The following FGF10 variants were observed in gnomAD, a reference collection of about 807,000 sequenced individuals.
FGF10 encodes the protein FGF-10.
Under a neutral mutation model 19.8 loss-of-function variants are expected in FGF10, and 2 were observed. That is an observed-to-expected ratio of 0.10 (90% confidence interval 0.04 to 0.32). The LOEUF (loss-of-function observed/expected upper bound fraction) is 0.32, where lower values mean the gene tolerates loss of function less well. Ranked by LOEUF, FGF10 falls within the 10% of genes least tolerant of loss-of-function variation. The pLI, the probability that FGF10 is intolerant of heterozygous loss-of-function variation, is 1.00. For synonymous variants in FGF10, 112 were observed against 94.0 expected (o/e 1.19, Z -1.10); for missense variants, 191 against 246.3 (o/e 0.78, Z 1.50).
intron 2 of FGF10, among the ~76,000 whole-genome samples, chr5:44,309,018 G>T (rs1740148705): frequency 1.3e-5 from 2 of 152,046 alleles, no homozygotes; most frequent in Admixed American, 6.6e-5. Flanking sequence ...GGTTCTAAAT[G>T]GTTCTCTCAG....
At chr5:44,380,025 C>T (rs1311775951) in intron 1 of FGF10, among the ~76,000 whole-genome samples, 1 of 152,152 alleles carries the variant, frequency 6.6e-6, no homozygotes, top group African/African-American at 2.4e-5. Context: ...ATCACTAGCA[C>T]TTTTCTTTAA....
intron 1 of FGF10, among the ~76,000 whole-genome samples, chr5:44,345,066 C>A (rs1048134591): frequency 6.6e-6 from 1 of 151,752 alleles, no homozygotes; most frequent in Non-Finnish European, 1.5e-5. Context: ...ACACTATTTT[C>A]AAATATATTT....
At chr5:44,319,228 T>A (rs72763176) in intron 1 of FGF10, among the ~76,000 whole-genome samples, 11,441 of 152,140 alleles carry the variant, frequency 0.075, 551 homozygotes, top group Middle Eastern at 0.11. Flanking sequence ...AGAAAAAAAA[T>A]TAAGCCACAT....
chr5:44,373,756 C>T (rs1404081904), intron 1 of FGF10, among the ~76,000 whole-genome samples: 6 of 152,090 alleles, frequency 3.9e-5, no homozygotes, highest in Admixed American at 3.9e-4. Context: ...TGCCTCACAC[C>T]TCCTCCTAAA....
intron 1 of FGF10, among the ~76,000 whole-genome samples, chr5:44,330,488 A>C (rs1186435000): frequency 6.6e-6 from 1 of 152,210 alleles, no homozygotes; most frequent in Non-Finnish European, 1.5e-5. Context: ...TATCACCAGC[A>C]ATTTGCCTCT....
rs541467772 is a variant in FGF10, at chr5:44,334,553, A to T, written c.326-24023T>A. Among the ~76,000 whole-genome samples, 56 of 152,224 alleles carry T rather than the reference A, an allele frequency of 3.7e-4. 1 individual carries two copies. The South Asian group carries it at 0.012, about 32-fold the overall frequency. ...TGTGCACAACGTTAGAAGCTTACCAATGGAAATGTCTTTAGAGGTCATATT... is the reference window on the plus strand; with the variant it reads ...TGTGCACAACGTTAGAAGCTTACCATTGGAAATGTCTTTAGAGGTCATATT... On this transcript the variant is annotated intron_variant, in intron 1 of 2. Coordinates refer to ENST00000264664, the MANE Select transcript of FGF10 (RefSeq NM_004465.2).
intron 1 of FGF10, among the ~76,000 whole-genome samples, chr5:44,358,554 T>C (rs543941811): frequency 6.6e-6 from 1 of 151,566 alleles, no homozygotes; most frequent in Admixed American, 6.6e-5. Flanking sequence ...CTAATAAAGG[T>C]CTCCCTCCAG....
At chr5:44,353,830 A>G (rs1047854904) in intron 1 of FGF10, among the ~76,000 whole-genome samples, 1 of 151,488 alleles carries the variant, frequency 6.6e-6, no homozygotes, top group African/African-American at 2.4e-5. Context: ...TTTCTCTGCT[A>G]GAATACAGCC....
intron 1 of FGF10, among the ~76,000 whole-genome samples, chr5:44,335,021 T>A (rs1233173436): frequency 6.6e-6 from 1 of 152,166 alleles, no homozygotes; most frequent in Non-Finnish European, 1.5e-5. Flanking sequence ...GTATTTGATT[T>A]AATTTAATCT....
chr5:44,309,555 A>C (rs1210243085), intron 2 of FGF10, among the ~76,000 whole-genome samples: 3 of 152,168 alleles, frequency 2.0e-5, no homozygotes, highest in Admixed American at 6.6e-5. Flanking sequence ...TTTCTTATGC[A>C]TCTTTGATAT....
rs1739973521 is a variant in FGF10 at position 44,301,951 on chromosome 5, T to C, written c.*3044A>G. On this transcript the variant is annotated 3_prime_UTR_variant, in exon 3 of 3. Transcript: ENST00000264664. Reference sequence around the variant, plus strand: ...GCGAGTTAGGAGGAGGGAGTGATTCTATATCTTTATGAGGAGTATTCTCAG... The same window carrying C: ...GCGAGTTAGGAGGAGGGAGTGATTCCATATCTTTATGAGGAGTATTCTCAG... Among the ~76,000 whole-genome samples, 1 of 152,188 alleles carries C rather than the reference T, an allele frequency of 6.6e-6. No homozygotes were observed. Among genetic ancestry groups the C allele is most frequent in the South Asian group, 2.1e-4 (1 of 4,834 alleles).
At chr5:44,352,866 T>A (rs991732670) in intron 1 of FGF10, among the ~76,000 whole-genome samples, 3 of 151,614 alleles carry the variant, frequency 2.0e-5, no homozygotes, top group Non-Finnish European at 3.0e-5. Flanking sequence ...ATGTCCTCAA[T>A]AAATGCTAAC....
intron 2 of FGF10, among the ~76,000 whole-genome samples, chr5:44,309,333 T>A (rs1740156998): frequency 6.6e-6 from 1 of 152,128 alleles, no homozygotes; most frequent in African/African-American, 2.4e-5. Flanking sequence ...ATAAGATGGA[T>A]CCACATGCAC....
At chr5:44,307,213 G>T (rs1289046784) in intron 2 of FGF10, among the ~76,000 whole-genome samples, 2 of 152,090 alleles carry the variant, frequency 1.3e-5, no homozygotes, top group African/African-American at 4.8e-5. Context: ...AAATATTTGG[G>T]CCAAAGGTAC....
At chr5:44,307,597 G>T (rs1740113683) in intron 2 of FGF10, among the ~76,000 whole-genome samples, 1 of 152,142 alleles carries the variant, frequency 6.6e-6, no homozygotes, top group Non-Finnish European at 1.5e-5. Flanking sequence ...TATAAAACTG[G>T]TTTAATCAGT....
In FGF10 at chr5:44,303,016, A is replaced by G. The variant is rs1739997375; in HGVS notation, c.*1979T>C. Among the ~76,000 whole-genome samples, 1 of 152,206 alleles carries G rather than the reference A, an allele frequency of 6.6e-6. No homozygotes were observed. Among genetic ancestry groups the G allele is most frequent in the Non-Finnish European group, 1.5e-5 (1 of 68,042 alleles). On this transcript the variant is annotated 3_prime_UTR_variant, in exon 3 of 3. Transcript: ENST00000264664. ...AGGAATGCATTACATTATAGCTCAC[A>G]GACTGAGTTACCAATTAAATTTTAA...
chr5:44,360,540 C>T (rs919067523), intron 1 of FGF10, among the ~76,000 whole-genome samples: 1 of 151,612 alleles, frequency 6.6e-6, no homozygotes, highest in Non-Finnish European at 1.5e-5. Flanking sequence ...CTACAGGCTT[C>T]CTTCAAAGAA....
intron 1 of FGF10, among the ~76,000 whole-genome samples, chr5:44,379,611 T>G (rs982281302): frequency 3.9e-5 from 6 of 152,228 alleles, no homozygotes; most frequent in African/African-American, 1.4e-4. Flanking sequence ...TAGCTTTCCT[T>G]ACTTTGATAG....
At chr5:44,313,522 T>C (rs1740257878) in intron 1 of FGF10, among the ~76,000 whole-genome samples, 1 of 151,848 alleles carries the variant, frequency 6.6e-6, no homozygotes, top group African/African-American at 2.4e-5. Flanking sequence ...GCATACTGGA[T>C]CTCCCCGTGT....
Sources: allele counts gnomAD v4.1 joint callset (sites outside exome capture counted in the v4.1 genomes callset), GRCh38; gene constraint gnomAD v4.1.1; transcripts MANE v1.5; gene names NCBI Gene and HGNC (gene_info 2026-07-23, HGNC 2026-07-21).